Variants in NECAB2 observed in about 807,000 individuals in gnomAD.
NECAB2 encodes the protein N-terminal EF-hand calcium-binding protein 2.
NECAB2 carries 68 observed loss-of-function variants against 51.9 expected under a neutral mutation model. The observed-to-expected ratio is 1.31, with a 90% CI of 1.08 to 1.60. The LOEUF (loss-of-function observed/expected upper bound fraction) is 1.60. Ranked by LOEUF, NECAB2 falls within the 40% of genes most tolerant of loss-of-function variation. NECAB2 has a pLI of 0.00. For synonymous variants in NECAB2, 329 were observed against 203.5 expected, an observed-to-expected ratio of 1.62 and a Z score of -5.25; for missense variants, 854 against 490.3, an observed-to-expected ratio of 1.74 and a Z score of -7.00.
At chr16:83,997,953 T>C in intron 9 of NECAB2, among the ~76,000 whole-genome samples, 1 of 152,174 alleles carries the variant, frequency 6.6e-6, no homozygotes, top group East Asian at 1.9e-4. Context: ...GTTGTGGACA[T>C]GGATGGGGCC....
At chr16:84,000,851 G>C in intron 11 of NECAB2, 50 bp downstream of exon 11, 3 of 1,581,094 alleles carry the variant, frequency 1.9e-6, no homozygotes, top group Non-Finnish European at 2.6e-6. Context: ...GGGAAGTGGG[G>C]GGGCTGTCTT....
chr16:83,994,836 G>A (rs575767541), intron 8 of NECAB2, 148 bp downstream of exon 8: 135 of 925,112 alleles, frequency 1.5e-4, no homozygotes, highest in Middle Eastern at 7.3e-4. Context: ...TGGAGCTGCC[G>A]AGGACGAAGC....
Position 84,002,125 on chromosome 16 carries a change from C to T in NECAB2, c.1133-193C>T, listed in dbSNP as rs117124983. Among the ~76,000 whole-genome samples the T allele has an allele frequency of 7.8e-3, 1,182 of 152,298 alleles. 15 individuals carry two copies. Among genetic ancestry groups the T allele is most frequent in the Non-Finnish European group, 0.012 (808 of 68,024 alleles). On this transcript the variant is annotated intron_variant, in intron 12 of 12. Coordinates refer to ENST00000305202, the MANE Select transcript of NECAB2 (RefSeq NM_019065.3). ...AGCTTGCACCAGAGCACCCCCTCCACGGCCCCCTACTTCCAGCCAGACTGA... is the reference window on the plus strand; with the variant it reads ...AGCTTGCACCAGAGCACCCCCTCCATGGCCCCCTACTTCCAGCCAGACTGA...
At chr16:83,978,299 G>C in intron 2 of NECAB2, 145 bp from the exon 3 acceptor site, 1 of 625,782 alleles carries the variant, frequency 1.6e-6, no homozygotes, top group Non-Finnish European at 2.8e-6. Flanking sequence ...TTAGTTTGGG[G>C]ATTAGCTGGG....
intron 10 of NECAB2, among the ~76,000 whole-genome samples, chr16:84,000,170 G>A (rs1157703384): frequency 1.3e-5 from 2 of 152,048 alleles, no homozygotes; most frequent in African/African-American, 4.8e-5. Flanking sequence ...CCAAAGTTCT[G>A]CGATTACAGG....
chr16:84,000,673 G>GT, intron 10 of NECAB2, 51 bp from the exon 11 acceptor site: 1 of 1,551,084 alleles, frequency 6.4e-7, no homozygotes, highest in Non-Finnish European at 8.9e-7. Context: ...CAGCACTGAG[G>GT]TGGCCTTGGT....
intron 6 of NECAB2, among the ~76,000 whole-genome samples, chr16:83,992,385 C>CA (rs1555548109): frequency 1.2e-4 from 18 of 144,054 alleles, no homozygotes; most frequent in African/African-American, 4.7e-4. Flanking sequence ...CGTCCCCCCG[C>CA]CCACCTCCAT....
At chr16:83,997,396 G>C in intron 9 of NECAB2, 127 bp downstream of exon 9, 1 of 1,221,320 alleles carries the variant, frequency 8.2e-7, no homozygotes, top group South Asian at 1.4e-5. Context: ...GGGAGATGTC[G>C]CCCAGCGCTT....
Position 84,002,430 on chromosome 16 carries a change from G to A in NECAB2, c.*84G>A, listed in dbSNP as rs2084857135. The stretch of plus-strand genomic sequence containing the variant: ...CCGTTTTTTTCTAGACAGACACTTT[G>A]GTGCAGAAGCTTCTTTTCAATCCAT... On this transcript the variant is annotated 3_prime_UTR_variant, in exon 13 of 13. Transcript: ENST00000305202. 1 of 1,509,192 alleles carries A rather than the reference G, an allele frequency of 6.6e-7. No individual in the cohort carries two copies. The highest frequency in any genetic ancestry group is 1.1e-5 in the South Asian group (1 of 88,916). The allele number at this position is 1,509,192 out of a possible 1,614,324, so 93.5% of individuals were successfully genotyped here. A position where few individuals can be genotyped will look rare whatever the true frequency, so the allele number is the denominator to read the frequency against.
chr16:83,994,454 A>C (rs779515532), intron 7 of NECAB2, 34 bp downstream of exon 7: 7 of 1,609,390 alleles, frequency 4.3e-6, no homozygotes, highest in Non-Finnish European at 5.1e-6. Flanking sequence ...TGGGGGTACC[A>C]GCTGGGGGTC....
chr16:83,989,987 G>C (rs573613158), intron 5 of NECAB2, among the ~76,000 whole-genome samples: 2 of 152,224 alleles, frequency 1.3e-5, no homozygotes, highest in South Asian at 4.1e-4. Flanking sequence ...TGGAGATCCA[G>C]GAGCCCTAGG....
At chr16:83,986,650 A>C (rs2084560370) in intron 5 of NECAB2, among the ~76,000 whole-genome samples, 1 of 151,294 alleles carries the variant, frequency 6.6e-6, no homozygotes, top group African/African-American at 2.4e-5. Flanking sequence ...GTAGCTGGGA[A>C]CACAGGTGGG....
At chr16:83,965,818 T>A (rs770710268), upstream of NECAB2, 1 of 1,612,648 alleles carries the variant, frequency 6.2e-7, no homozygotes, top group South Asian at 1.1e-5. Context: ...TTGCAGTGGA[T>A]CCTGACCAGC....
Position 84,002,590 on chromosome 16 carries a change from G to C in NECAB2, c.*244G>C, listed in dbSNP as rs143961575. 6.8e-6 allele frequency: 4 copies of C among 585,370 alleles called. No homozygotes were observed. The highest frequency in any genetic ancestry group is 2.0e-5 in the South Asian group (1 of 49,904). The allele number at this position is 585,370 out of a possible 1,614,324, so 36.3% of individuals were successfully genotyped here. Reference sequence around the variant, plus strand: ...TGAAGGGGGCGGCTTCCTGGAGCCAGCACCCCTGCCTCCTGGTCCTGGCCT... The same window carrying C: ...TGAAGGGGGCGGCTTCCTGGAGCCACCACCCCTGCCTCCTGGTCCTGGCCT... On this transcript the variant is annotated 3_prime_UTR_variant, in exon 13 of 13. Transcript: ENST00000305202.
chr16:83,992,865 C>A (rs1177012340), intron 6 of NECAB2, among the ~76,000 whole-genome samples: 1 of 152,178 alleles, frequency 6.6e-6, no homozygotes, highest in Non-Finnish European at 1.5e-5. Context: ...AAAGCTGACA[C>A]TTAGATTTCC....
At chr16:84,000,863 C>A in intron 11 of NECAB2, 62 bp downstream of exon 11, 3 of 1,546,592 alleles carry the variant, frequency 1.9e-6, no homozygotes, top group Non-Finnish European at 2.7e-6. Flanking sequence ...GGCTGTCTTC[C>A]TGGAGCCAGG....
intron 5 of NECAB2, among the ~76,000 whole-genome samples, 172 bp from the exon 6 acceptor site, chr16:83,990,322 G>A (rs976606506): frequency 2.0e-5 from 3 of 152,200 alleles, no homozygotes; most frequent in Non-Finnish European, 4.4e-5. Context: ...TAGCCTCTGC[G>A]TTGGAAATGC....
intron 2 of NECAB2, among the ~76,000 whole-genome samples, chr16:83,974,046 A>G (rs2084378142): frequency 6.6e-6 from 1 of 151,114 alleles, no homozygotes; most frequent in Non-Finnish European, 1.5e-5. Flanking sequence ...CCACCCCCTG[A>G]GCACAGCTGT....
upstream of NECAB2, chr16:83,965,631 G>C: frequency 6.2e-7 from 1 of 1,613,286 alleles, no homozygotes; most frequent in Non-Finnish European, 8.5e-7. Context: ...CTGTCGCCCA[G>C]CCCCTATGAG....
Sources: gnomAD v4.1 joint callset for allele counts (sites outside exome capture counted in the v4.1 genomes callset) on GRCh38, gnomAD v4.1.1 for gene constraint, MANE v1.5 for transcripts, NCBI Gene and HGNC (gene_info 2026-07-23, HGNC 2026-07-21) for gene names.